EXTL3: variants seen among roughly 807,000 people sequenced by gnomAD.
EXTL3 encodes exostosin-like 3.
In EXTL3, 27 loss-of-function variants were observed where a neutral mutation model predicts 69.3. The ratio of observed to expected loss-of-function variants is 0.39; its 90% CI spans 0.29 to 0.54. The LOEUF is 0.54. EXTL3 is among the 20% of genes least tolerant of loss of function. The probability of loss-of-function intolerance (pLI) is 0.69; values close to 1 mark genes in which losing one functional copy is unlikely to be tolerated. For synonymous variants in EXTL3, 511 were observed against 499.4 expected, an observed-to-expected ratio of 1.02 and a Z score of -0.31; for missense variants, 1,003 against 1,231.8, an observed-to-expected ratio of 0.81 and a Z score of 2.78.
chr8:28,698,514 GC>G (rs1800719990), upstream of EXTL3: 1 of 152,230 alleles, frequency 6.6e-6, no homozygotes, highest in Admixed American at 6.5e-5. Flanking sequence ...AAAGGGTTTA[GC>G]TTATTGCCTG....
chr8:28,659,726 G>T (rs71521303), intron 1 of EXTL3, among the ~76,000 whole-genome samples: 3 of 152,136 alleles, frequency 2.0e-5, no homozygotes, highest in Admixed American at 6.6e-5. Flanking sequence ...CCCAAACTCA[G>T]CAAGAGAACA....
intron 1 of EXTL3, among the ~76,000 whole-genome samples, chr8:28,650,425 TCAGCTCA>T (rs1806900722): frequency 6.6e-6 from 1 of 151,828 alleles, no homozygotes; most frequent in Admixed American, 6.6e-5. Flanking sequence ...TGGCGCGATA[TCAGCTCA>T]CTGCAACCTC....
At chr8:28,700,818 A>T (rs1288941574), upstream of EXTL3, 3 of 152,116 alleles carry the variant, frequency 2.0e-5, no homozygotes, top group Admixed American at 2.0e-4. Context: ...TCTTATCCTG[A>T]CTTCTCAAGT....
At chr8:28,709,444 C>T (rs1372266089) in intron 1 of EXTL3, among the ~76,000 whole-genome samples, 2 of 152,156 alleles carry the variant, frequency 1.3e-5, no homozygotes, top group African/African-American at 2.4e-5. Flanking sequence ...ATACCTTCCA[C>T]GTGGAAGGCA....
At chr8:28,733,715 G>GT (rs943454384) in intron 4 of EXTL3, among the ~76,000 whole-genome samples, 2 of 151,160 alleles carry the variant, frequency 1.3e-5, no homozygotes, top group African/African-American at 4.9e-5. Context: ...TCTCAATGAT[G>GT]TTGAGCTTCT....
intron 1 of EXTL3, among the ~76,000 whole-genome samples, chr8:28,644,680 A>C (rs1269933435): frequency 6.6e-6 from 1 of 152,204 alleles, no homozygotes; most frequent in Non-Finnish European, 1.5e-5. Flanking sequence ...GTCTCTAAAA[A>C]ATAAAATTTA....
In EXTL3 at chr8:28,751,297, A is replaced by G. The variant is rs765579181; in HGVS notation, c.*431A>G. The G allele has an allele frequency of 1.1e-4, 20 of 180,694 alleles. No homozygotes were observed. Among genetic ancestry groups the G allele is most frequent in the Admixed American group, 2.7e-4 (5 of 18,640 alleles). 11.2% of individuals were successfully genotyped at this position (180,694 alleles called of 1,614,324 possible). On this transcript the variant is annotated 3_prime_UTR_variant, in exon 7 of 7. Coordinates refer to ENST00000220562, the MANE Select transcript of EXTL3 (RefSeq NM_001440.4). ...TACATGCACACACTTGCATACATAT[A>G]TATTTTTGGCTGGGGGAGTGTGAGT...
chr8:28,679,963 T>A (rs985372380), intron 1 of EXTL3, among the ~76,000 whole-genome samples: 1 of 151,768 alleles, frequency 6.6e-6, no homozygotes. Context: ...CTTTTTATAG[T>A]AAAAGTAAAA....
chr8:28,683,761 G>T (rs1416333024), intron 1 of EXTL3, among the ~76,000 whole-genome samples: 1 of 151,890 alleles, frequency 6.6e-6, no homozygotes, highest in African/African-American at 2.4e-5. Context: ...AGTGAGCTGA[G>T]ATTGCCCCAC....
chr8:28,730,445 G>A (rs1801512897), intron 3 of EXTL3, among the ~76,000 whole-genome samples: 1 of 152,134 alleles, frequency 6.6e-6, no homozygotes, highest in Non-Finnish European at 1.5e-5. Flanking sequence ...TAGGTGGCAA[G>A]GTGAATAACA....
intron 3 of EXTL3, among the ~76,000 whole-genome samples, chr8:28,724,377 A>G (rs1801364473): frequency 6.6e-6 from 1 of 152,216 alleles, no homozygotes; most frequent in African/African-American, 2.4e-5. Flanking sequence ...ATAAATGGAA[A>G]ACCAATGCAC....
chr8:28,620,371 T>C (rs900399089), upstream of EXTL3, among the ~76,000 whole-genome samples: 4 of 152,188 alleles, frequency 2.6e-5, no homozygotes, highest in African/African-American at 9.6e-5. Context: ...AAGCACATTC[T>C]GCAGGCTCCT....
chr8:28,698,981 G>A (rs186103612), upstream of EXTL3, among the ~76,000 whole-genome samples: 233 of 151,966 alleles, frequency 1.5e-3, no homozygotes, highest in African/African-American at 5.5e-3. Flanking sequence ...CAAGAAGAGT[G>A]AGACTCCGTC....
At chr8:28,667,348 G>A (rs984148252) in intron 1 of EXTL3, among the ~76,000 whole-genome samples, 1 of 152,138 alleles carries the variant, frequency 6.6e-6, no homozygotes, top group Non-Finnish European at 1.5e-5. Flanking sequence ...CCAAGGATGA[G>A]GCCTGGTCAA....
chr8:28,683,581 G>A (rs1454727371), intron 1 of EXTL3, among the ~76,000 whole-genome samples: 2 of 152,122 alleles, frequency 1.3e-5, no homozygotes, highest in East Asian at 3.9e-4. Flanking sequence ...TTGGGAGGCC[G>A]AGGCAGGTGG....
intron 1 of EXTL3, among the ~76,000 whole-genome samples, chr8:28,686,513 GGC>G (rs1807580266): frequency 6.6e-6 from 1 of 152,060 alleles, no homozygotes; most frequent in Non-Finnish European, 1.5e-5. Flanking sequence ...TACATGAAGT[GGC>G]TGGCAAAAAG....
At chr8:28,635,864 T>C (rs1332117216) in intron 1 of EXTL3, among the ~76,000 whole-genome samples, 7 of 152,172 alleles carry the variant, frequency 4.6e-5, no homozygotes, top group African/African-American at 1.7e-4. Context: ...ACTTTGTTGA[T>C]GATAAAATAT....
At chr8:28,731,103 G>A (rs2130771992) in intron 3 of EXTL3, 120 bp from the exon 4 acceptor site, 18 of 1,223,028 alleles carry the variant, frequency 1.5e-5, no homozygotes, top group South Asian at 4.9e-5. Flanking sequence ...TTACAAGCGC[G>A]GAGATCAGGC....
chr8:28,609,245 G>A (rs1406999498), intron 2 of EXTL3, among the ~76,000 whole-genome samples: 4 of 152,076 alleles, frequency 2.6e-5, no homozygotes, highest in African/African-American at 4.8e-5. Context: ...TCAGAGAAAC[G>A]AGTCTGGATT....
Sources: allele counts gnomAD v4.1 joint callset (sites outside exome capture counted in the v4.1 genomes callset), GRCh38; gene constraint gnomAD v4.1.1; transcripts MANE v1.5; gene names NCBI Gene and HGNC (gene_info 2026-07-23, HGNC 2026-07-21).